The following RALYL variants were observed in gnomAD, a reference collection of about 807,000 sequenced individuals.
The protein encoded by RALYL is RNA-binding Raly-like protein.
In RALYL, 29 loss-of-function variants were observed where a neutral mutation model predicts 35.1. The ratio of observed to expected loss-of-function variants is 0.83; its 90% CI spans 0.61 to 1.13. The LOEUF (loss-of-function observed/expected upper bound fraction) is 1.13. Ranked by LOEUF, RALYL falls within the 50% of genes most tolerant of loss-of-function variation. RALYL has a pLI of 0.00. For missense variants in RALYL, 359 were observed against 360.4 expected (o/e 1.00, Z 0.03); for synonymous variants, 120 against 127.6 (o/e 0.94, Z 0.40).
intron 1 of RALYL, among the ~76,000 whole-genome samples, chr8:84,262,781 T>C (rs949216104): frequency 5.3e-5 from 8 of 152,136 alleles, no homozygotes; most frequent in Non-Finnish European, 1.2e-4. Flanking sequence ...TTGACTAAAA[T>C]AGATCAGAGT....
intron 2 of RALYL, among the ~76,000 whole-genome samples, chr8:84,613,607 C>T (rs1178483429): frequency 1.3e-5 from 2 of 151,364 alleles, no homozygotes; most frequent in Non-Finnish European, 2.9e-5. Flanking sequence ...CACACACTAA[C>T]TGAAGTAGGC....
intron 1 of RALYL, among the ~76,000 whole-genome samples, chr8:84,473,731 T>A (rs2053065720): frequency 1.3e-5 from 2 of 151,890 alleles, no homozygotes; most frequent in South Asian, 4.1e-4. Context: ...AGAAATATTT[T>A]CAGTTGAGAA....
intron 2 of RALYL, among the ~76,000 whole-genome samples, chr8:84,691,752 T>C (rs952234242): frequency 6.6e-6 from 1 of 151,870 alleles, no homozygotes; most frequent in Non-Finnish European, 1.5e-5. Context: ...TCCAGGTAGA[T>C]AGAAAGCACA....
intron 2 of RALYL, among the ~76,000 whole-genome samples, chr8:84,605,351 A>G (rs1721138833): frequency 6.6e-6 from 1 of 152,108 alleles, no homozygotes; most frequent in African/African-American, 2.4e-5. Context: ...ACTAGAAACT[A>G]TTCTAAGCAA....
intron 1 of RALYL, among the ~76,000 whole-genome samples, chr8:84,483,542 A>T (rs1320426677): frequency 6.6e-6 from 1 of 152,130 alleles, no homozygotes; most frequent in Non-Finnish European, 1.5e-5. Flanking sequence ...AATAACACAA[A>T]TAATTGCAAG....
At chr8:84,281,265 T>TA (rs1370307199) in intron 1 of RALYL, among the ~76,000 whole-genome samples, 4 of 152,182 alleles carry the variant, frequency 2.6e-5, no homozygotes, top group Admixed American at 6.5e-5. Flanking sequence ...TAATTTTAGA[T>TA]ACATGAACAA....
intron 2 of RALYL, among the ~76,000 whole-genome samples, chr8:84,566,607 G>T (rs2061800239): frequency 6.6e-6 from 1 of 151,462 alleles, no homozygotes. Flanking sequence ...AACTAAACAA[G>T]AACTCATAAC....
At chr8:84,737,979 C>A (rs1847622333) in intron 2 of RALYL, among the ~76,000 whole-genome samples, 1 of 151,922 alleles carries the variant, frequency 6.6e-6, no homozygotes, top group Non-Finnish European at 1.5e-5. Context: ...CTATAGAAGC[C>A]CAAACAGACC....
chr8:84,355,383 G>A (rs923815605), intron 1 of RALYL, among the ~76,000 whole-genome samples: 2 of 150,424 alleles, frequency 1.3e-5, no homozygotes, highest in Admixed American at 1.3e-4. Context: ...ATAACTTGTG[G>A]CTTTCCAAAT....
intron 1 of RALYL, among the ~76,000 whole-genome samples, chr8:84,212,716 T>C (rs1305512365): frequency 6.6e-6 from 1 of 152,132 alleles, no homozygotes; most frequent in African/African-American, 2.4e-5. Context: ...ACAAGACTGA[T>C]AATTTCAATA....
At chr8:84,605,594 C>T (rs1172376125) in intron 2 of RALYL, among the ~76,000 whole-genome samples, 1 of 152,090 alleles carries the variant, frequency 6.6e-6, no homozygotes, top group Non-Finnish European at 1.5e-5. Context: ...CTGACTCAGG[C>T]AGATAGGTTC....
intron 1 of RALYL, among the ~76,000 whole-genome samples, chr8:84,297,523 G>A (rs149590514): frequency 6.6e-6 from 1 of 152,176 alleles, no homozygotes; most frequent in East Asian, 1.9e-4. Context: ...ACATGCACAT[G>A]CATCTGTCTG....
At chr8:84,488,986 T>C (rs2054948615) in intron 1 of RALYL, among the ~76,000 whole-genome samples, 1 of 152,086 alleles carries the variant, frequency 6.6e-6, no homozygotes, top group African/African-American at 2.4e-5. Flanking sequence ...AAGGAAGCCA[T>C]GTAAAGATTG....
chr8:84,885,090 C>T (rs1030161699), intron 7 of RALYL, among the ~76,000 whole-genome samples: 2 of 152,016 alleles, frequency 1.3e-5, no homozygotes, highest in African/African-American at 4.8e-5. Flanking sequence ...CAACTTATCA[C>T]ATCATTTTCT....
At chr8:84,624,095 C>G (rs1309718204) in intron 2 of RALYL, among the ~76,000 whole-genome samples, 2 of 152,184 alleles carry the variant, frequency 1.3e-5, no homozygotes, top group Admixed American at 1.3e-4. Context: ...CCCTCTCTGT[C>G]CAGGAATCAG....
chr8:84,232,894 T>A (rs1825682216), intron 1 of RALYL, among the ~76,000 whole-genome samples: 1 of 152,216 alleles, frequency 6.6e-6, no homozygotes, highest in Non-Finnish European at 1.5e-5. Context: ...AGTGGTATAG[T>A]AATATTCCTG....
intron 2 of RALYL, among the ~76,000 whole-genome samples, chr8:84,654,270 C>CATATATACATATAT: frequency 2.2e-5 from 1 of 44,532 alleles, no homozygotes; most frequent in East Asian, 1.5e-3. Flanking sequence ...TCTCATGTTC[C>CATATATACATATAT]ATATATATAT....
chr8:84,716,315 C>A (rs755383318), intron 2 of RALYL, among the ~76,000 whole-genome samples: 1 of 152,074 alleles, frequency 6.6e-6, no homozygotes, highest in Non-Finnish European at 1.5e-5. Context: ...TGCATACATA[C>A]TACATGGAAT....
At chr8:84,884,543 ATT>A (rs1842670736) in intron 7 of RALYL, among the ~76,000 whole-genome samples, 3 of 151,874 alleles carry the variant, frequency 2.0e-5, no homozygotes, top group South Asian at 4.1e-4. Context: ...ATGTATATAT[ATT>A]ACACACACAC....
Sources: allele counts gnomAD v4.1 joint callset (sites outside exome capture counted in the v4.1 genomes callset), GRCh38; gene constraint gnomAD v4.1.1; transcripts MANE v1.5; gene names NCBI Gene and HGNC (gene_info 2026-07-23, HGNC 2026-07-21).